The following KCNMB2 variants were observed in gnomAD, a reference collection of about 807,000 sequenced individuals.
KCNMB2 encodes the protein potassium calcium-activated channel subfamily M regulatory beta subunit 2.
A neutral mutation model predicts 24.5 loss-of-function variants in KCNMB2; 9 were observed. That is an observed-to-expected ratio of 0.37 (90% CI 0.22 to 0.64). The LOEUF is 0.64. KCNMB2 is among the 30% of genes least tolerant of loss of function. The pLI is 0.63. For synonymous variants in KCNMB2, 109 were observed against 104.4 expected (o/e 1.04, Z -0.27); for missense variants, 226 against 284.3 (o/e 0.79, Z 1.47).
At position 178,821,209 on chromosome 3, in the gene KCNMB2, G is replaced by C. The variant is rs1577214050; in HGVS notation, c.57-4379G>C. ...AAAGAATAGACAGAAAGAACCAAAGGGTGATAAGCTATCAGCCTTGTTAAT... is the reference window on the plus strand; with the variant it reads ...AAAGAATAGACAGAAAGAACCAAAGCGTGATAAGCTATCAGCCTTGTTAAT... On this transcript the variant is annotated intron_variant, in intron 2 of 4. Transcript: ENST00000452583. Among the ~76,000 whole-genome samples the C allele has an allele frequency of 2.0e-5, 3 of 152,122 alleles. No individual in the cohort carries two copies. In the East Asian group the frequency reaches 5.8e-4, roughly 29 times the overall value.
intron 1 of KCNMB2, among the ~76,000 whole-genome samples, chr3:178,612,805 C>T (rs1226838856): frequency 6.6e-6 from 1 of 151,942 alleles, no homozygotes; most frequent in Non-Finnish European, 1.5e-5. Context: ...GTTTTATGAT[C>T]TCCTTTTCCT....
intron 1 of KCNMB2, among the ~76,000 whole-genome samples, chr3:178,598,542 A>G (rs1460402839): frequency 1.3e-5 from 2 of 152,082 alleles, no homozygotes; most frequent in South Asian, 2.1e-4. Flanking sequence ...CTATGATTAC[A>G]GTAGAGTTTA....
intron 1 of KCNMB2, among the ~76,000 whole-genome samples, chr3:178,794,673 G>C (rs1713463588): frequency 6.6e-6 from 1 of 152,202 alleles, no homozygotes; most frequent in Non-Finnish European, 1.5e-5. Context: ...AGACGACTCA[G>C]CCTTCATGGA....
chr3:178,769,585 A>G (rs1712261715), intron 1 of KCNMB2, among the ~76,000 whole-genome samples: 1 of 152,208 alleles, frequency 6.6e-6, no homozygotes, highest in Non-Finnish European at 1.5e-5. Context: ...TCCAGAAAAG[A>G]AGGTAGAAAG....
chr3:178,763,313 T>C (rs1023658297), intron 1 of KCNMB2, among the ~76,000 whole-genome samples: 5 of 152,162 alleles, frequency 3.3e-5, no homozygotes, highest in Non-Finnish European at 7.4e-5. Flanking sequence ...GCTGCTGCTG[T>C]ACAGGAGCAG....
chr3:178,696,101 T>C (rs1721864910), intron 1 of KCNMB2, among the ~76,000 whole-genome samples: 1 of 152,166 alleles, frequency 6.6e-6, no homozygotes, highest in Non-Finnish European at 1.5e-5. Flanking sequence ...AACATGTCCT[T>C]CTTCATATGG....
intron 1 of KCNMB2, among the ~76,000 whole-genome samples, chr3:178,733,472 T>A (rs765879840): frequency 6.6e-6 from 1 of 150,454 alleles, no homozygotes; most frequent in African/African-American, 2.4e-5. Flanking sequence ...TTTAAATTTA[T>A]TTTATTTATT....
intron 1 of KCNMB2, among the ~76,000 whole-genome samples, chr3:178,683,162 T>C (rs1721332173): frequency 6.6e-6 from 1 of 152,160 alleles, no homozygotes; most frequent in Non-Finnish European, 1.5e-5. Context: ...TGAAATCGTG[T>C]TCTTTGCAGC....
chr3:178,742,039 TAAAG>T (rs1459862974), intron 1 of KCNMB2, among the ~76,000 whole-genome samples: 3 of 152,206 alleles, frequency 2.0e-5, no homozygotes, highest in Non-Finnish European at 4.4e-5. Flanking sequence ...AATGGGCAGG[TAAAG>T]AAAGTCTAAC....
chr3:178,589,294 C>T (rs540112997), intron 1 of KCNMB2, among the ~76,000 whole-genome samples: 1 of 152,234 alleles, frequency 6.6e-6, no homozygotes, highest in South Asian at 2.1e-4. Context: ...TTTGTTAGCA[C>T]GTTTGGTTCT....
intron 1 of KCNMB2, among the ~76,000 whole-genome samples, chr3:178,631,855 T>A (rs1380742649): frequency 2.6e-5 from 4 of 152,254 alleles, no homozygotes; most frequent in Non-Finnish European, 5.9e-5. Flanking sequence ...TAACTAGGTA[T>A]AATAATTAAC....
At position 178,738,658 on chromosome 3, in the gene KCNMB2, A is replaced by G. The variant is rs541483123; in HGVS notation, c.-67-68685A>G. On this transcript the variant is annotated intron_variant, in intron 1 of 4. Coordinates refer to ENST00000452583, the MANE Select transcript of KCNMB2 (RefSeq NM_181361.3). ...AGCCCCATTTTTGACCCCAGGACAAATTTCACTTCCTGAGAAGAGCCTTCT... is the reference window on the plus strand; with the variant it reads ...AGCCCCATTTTTGACCCCAGGACAAGTTTCACTTCCTGAGAAGAGCCTTCT... 2.1e-4 allele frequency among the ~76,000 whole-genome samples: 32 copies of G among 152,058 alleles called. 1 individual carries two copies. In the South Asian group the frequency reaches 6.2e-3, roughly 30 times the overall value.
intron 1 of KCNMB2, among the ~76,000 whole-genome samples, chr3:178,768,280 G>A (rs1026559151): frequency 2.6e-5 from 4 of 151,886 alleles, no homozygotes; most frequent in Non-Finnish European, 4.4e-5. Context: ...TCTGCCTGAC[G>A]CTACTTCCTC....
chr3:178,757,830 C>CATCCAAGAGGATATATATATATACAT (rs774991483), intron 1 of KCNMB2, among the ~76,000 whole-genome samples: 1 of 46,182 alleles, frequency 2.2e-5, no homozygotes, highest in Non-Finnish European at 3.8e-5. Context: ...TATACACATC[C>CATCCAAGAGGATATATATATATACAT]ATCCAAGAGG....
At chr3:178,595,031 C>A (rs958185033) in intron 1 of KCNMB2, among the ~76,000 whole-genome samples, 4 of 131,318 alleles carry the variant, frequency 3.0e-5, no homozygotes, top group Non-Finnish European at 4.7e-5. Flanking sequence ...CTTATTATTC[C>A]GTGCCTTAGT....
chr3:178,594,247 G>A (rs1310205874), intron 1 of KCNMB2, among the ~76,000 whole-genome samples: 1 of 152,036 alleles, frequency 6.6e-6, no homozygotes, highest in African/African-American at 2.4e-5. Context: ...GGTATGATCT[G>A]TTTTGTATTT....
chr3:178,628,622 A>G (rs1719202462), intron 1 of KCNMB2, among the ~76,000 whole-genome samples: 1 of 152,160 alleles, frequency 6.6e-6, no homozygotes, highest in East Asian at 1.9e-4. Context: ...GAACTGAAGA[A>G]TCATTATGGG....
At chr3:178,807,870 AATTT>A (rs1295983028) in intron 2 of KCNMB2, among the ~76,000 whole-genome samples, 2 of 152,070 alleles carry the variant, frequency 1.3e-5, no homozygotes, top group African/African-American at 4.8e-5. Context: ...TATTAATAAT[AATTT>A]ATTAACTGAA....
chr3:178,781,802 T>A (rs988971513), intron 1 of KCNMB2, among the ~76,000 whole-genome samples: 1 of 151,672 alleles, frequency 6.6e-6, no homozygotes, highest in African/African-American at 2.4e-5. Context: ...TTTCTTTTTT[T>A]ATTATACTTT....
Sources: allele counts gnomAD v4.1 joint callset (sites outside exome capture counted in the v4.1 genomes callset), GRCh38; gene constraint gnomAD v4.1.1; transcripts MANE v1.5; gene names NCBI Gene and HGNC (gene_info 2026-07-23, HGNC 2026-07-21).